Variants in EPHA4 observed in about 807,000 individuals in gnomAD.
The protein encoded by EPHA4 is EPH receptor A4.
Under a neutral mutation model 108.3 loss-of-function variants are expected in EPHA4, and 19 were observed. The observed-to-expected ratio is 0.18, with a 90% confidence interval of 0.12 to 0.26. The LOEUF is 0.26. EPHA4 is among the 10% of genes least tolerant of loss of function. The probability of loss-of-function intolerance (pLI) is 1.00; values close to 1 mark genes in which losing one functional copy is unlikely to be tolerated. For synonymous variants in EPHA4, 449 were observed against 455.5 expected, an observed-to-expected ratio of 0.99 and a Z score of 0.18; for missense variants, 917 against 1,254.0, an observed-to-expected ratio of 0.73 and a Z score of 4.06.
chr2:221,452,200 G>A (rs1690807771), intron 8 of EPHA4, among the ~76,000 whole-genome samples: 1 of 152,232 alleles, frequency 6.6e-6, no homozygotes, highest in Non-Finnish European at 1.5e-5. Context: ...ACCCCCATAA[G>A]GGATCTATCT....
Position 221,434,306 on chromosome 2 carries a change from G to A in EPHA4, c.2347-15C>T. On this transcript the variant is annotated splice_polypyrimidine_tract_variant and intron_variant, in intron 13 of 17. Transcript: ENST00000281821. ...ATCTTGCCACCCTGTGAACATTTGA[G>A]CCATAAGTTATTCCTTAAGTACATC... The A allele has an allele frequency of 6.2e-7, 1 of 1,612,742 alleles. No individual in the cohort carries two copies.
intron 3 of EPHA4, among the ~76,000 whole-genome samples, chr2:221,514,829 A>C (rs1447842413): frequency 6.6e-6 from 1 of 152,246 alleles, no homozygotes; most frequent in Non-Finnish European, 1.5e-5. Context: ...TCATGAGAGA[A>C]GAAAAAGTGG....
intron 5 of EPHA4, among the ~76,000 whole-genome samples, chr2:221,480,720 CTG>C (rs2106139713): frequency 6.6e-6 from 1 of 152,294 alleles, no homozygotes; most frequent in Non-Finnish European, 1.5e-5. Flanking sequence ...TTTTAAAAGA[CTG>C]TTCACATTTG....
intron 17 of EPHA4, chr2:221,422,132 G>C (rs183483345): frequency 6.6e-6 from 1 of 150,934 alleles, no homozygotes; most frequent in Non-Finnish European, 1.5e-5. Flanking sequence ...TCCCTGGGTC[G>C]ACATGAACAT....
At chr2:221,522,167 T>C (rs1693184073) in intron 3 of EPHA4, among the ~76,000 whole-genome samples, 1 of 152,178 alleles carries the variant, frequency 6.6e-6, no homozygotes, top group Admixed American at 6.5e-5. Context: ...TGCCCATACA[T>C]GTGAGGCACC....
chr2:221,515,118 G>A (rs562680993), intron 3 of EPHA4, among the ~76,000 whole-genome samples: 3 of 152,188 alleles, frequency 2.0e-5, no homozygotes, highest in South Asian at 2.1e-4. Context: ...TGTTTGAGAC[G>A]AAGTTTTGCT....
intron 3 of EPHA4, among the ~76,000 whole-genome samples, chr2:221,534,170 A>G (rs1693597997): frequency 2.0e-5 from 3 of 152,200 alleles, no homozygotes; most frequent in Admixed American, 1.3e-4. Flanking sequence ...AGGATTCCCA[A>G]AAGAATGATT....
At chr2:221,504,038 C>T (rs980585070) in intron 3 of EPHA4, among the ~76,000 whole-genome samples, 4 of 152,104 alleles carry the variant, frequency 2.6e-5, no homozygotes, top group African/African-American at 9.7e-5. Flanking sequence ...AAACAAAACC[C>T]CTGTGAAAGA....
In EPHA4 at chr2:221,482,264, C is replaced by A. The variant is rs1223871022; in HGVS notation, c.1318+88G>T. On this transcript the variant is annotated intron_variant, in intron 5 of 17. Transcript: ENST00000281821. The stretch of plus-strand genomic sequence containing the variant: ...CTCCCAGGCTTGATTGATTCTATTT[C>A]AATTATAGCAATTTATTATAATTCA... 3.2e-6 allele frequency: 4 copies of A among 1,253,628 alleles called. No individual in the cohort carries two copies. In the African/African-American group the frequency reaches 6.1e-5, roughly 19 times the overall value. 77.7% of individuals were successfully genotyped at this position (1,253,628 alleles called of 1,614,324 possible). A position where few individuals can be genotyped will look rare whatever the true frequency, so the allele number is the denominator to read the frequency against.
At chr2:221,570,549 G>C (rs1190795118) in intron 1 of EPHA4, among the ~76,000 whole-genome samples, 2 of 152,128 alleles carry the variant, frequency 1.3e-5, no homozygotes, top group African/African-American at 4.8e-5. Context: ...GAGATCCAGA[G>C]GGCGAGAGAG....
At chr2:221,564,480 T>A in intron 2 of EPHA4, 86 bp from the exon 3 acceptor site, 2 of 1,361,008 alleles carry the variant, frequency 1.5e-6, no homozygotes. Flanking sequence ...ATAGGACACC[T>A]GATTATTTTT....
At chr2:221,532,677 C>T (rs74407448) in intron 3 of EPHA4, 2,041 of 152,342 alleles carry the variant, frequency 0.013, 23 homozygotes, top group Non-Finnish European at 0.023. Flanking sequence ...CAGCCTTGGC[C>T]GGGCCAGGGG....
At chr2:221,437,892 C>T (rs1690295503) in intron 11 of EPHA4, among the ~76,000 whole-genome samples, 1 of 38,836 alleles carries the variant, frequency 2.6e-5, no homozygotes. Context: ...CATTACACTC[C>T]AGCCTGGGGG....
Position 221,437,757 on chromosome 2 carries a change from C to CAAAAAAAA in EPHA4, c.2075-643_2075-636dup, listed in dbSNP as rs538233784. Reference sequence around the variant, plus strand: ...TGAAACCCCGTTTCTACTAAAAATACAAAAAAAAAAAAAAAATTTGCCAAG... The same window carrying CAAAAAAAA: ...TGAAACCCCGTTTCTACTAAAAATACAAAAAAAAAAAAAAAAAAAAAAAATTTGCCAAG... On this transcript the variant is annotated intron_variant, in intron 11 of 17. Transcript: ENST00000281821. Among the ~76,000 whole-genome samples the CAAAAAAAA allele has an allele frequency of 2.3e-3, 284 of 125,860 alleles. 2 individuals carry two copies. The highest frequency in any genetic ancestry group is 8.1e-3 in the African/African-American group (275 of 34,016). 82.6% of individuals were successfully genotyped at this position (125,860 alleles called of 152,430 possible).
chr2:221,493,219 T>C (rs1489319104), intron 4 of EPHA4, among the ~76,000 whole-genome samples: 6 of 152,136 alleles, frequency 3.9e-5, no homozygotes, highest in Non-Finnish European at 7.3e-5. Context: ...AAAAGAAATA[T>C]GCTTTCGGGT....
At chr2:221,538,011 G>A (rs367959862) in intron 3 of EPHA4, among the ~76,000 whole-genome samples, 59 of 152,200 alleles carry the variant, frequency 3.9e-4, no homozygotes, top group African/African-American at 1.2e-3. Context: ...AAAAAAGGGG[G>A]GGTTATACTT....
At chr2:221,569,569 G>A (rs1694765326) in intron 1 of EPHA4, 1 of 152,248 alleles carries the variant, frequency 6.6e-6, no homozygotes, top group South Asian at 2.1e-4. Context: ...ACAGCCCACC[G>A]AGCTGCGGTA....
intron 9 of EPHA4, 106 bp downstream of exon 9, chr2:221,446,017 A>G (rs892817038): frequency 1.9e-6 from 1 of 525,516 alleles, no homozygotes. Flanking sequence ...TAAATATATT[A>G]TATTATATAA....
rs375758289 is a variant in EPHA4, at chr2:221,482,693, G to A, written c.980-3C>T. On this transcript the variant is annotated splice_polypyrimidine_tract_variant and splice_region_variant and intron_variant, in intron 4 of 17. Transcript: ENST00000281821. ...GTTCAGGGGAGCAGATGGTGGACCT[G>A]GAGAAAGAAAACCACATCATCACAC... 4.7e-5 allele frequency: 74 copies of A among 1,583,922 alleles called. No homozygotes were observed. The highest frequency in any genetic ancestry group is 6.1e-5 in the Non-Finnish European group (71 of 1,159,930).
Sources: gnomAD v4.1 joint callset for allele counts (sites outside exome capture counted in the v4.1 genomes callset) on GRCh38, gnomAD v4.1.1 for gene constraint, MANE v1.5 for transcripts, NCBI Gene and HGNC (gene_info 2026-07-23, HGNC 2026-07-21) for gene names.